ADARB2: variants seen among roughly 807,000 people sequenced by gnomAD.
The protein encoded by ADARB2 is inactive double-stranded RNA-specific editase B2.
In ADARB2, 25 loss-of-function variants were observed where a neutral mutation model predicts 62.2. That is an observed-to-expected ratio of 0.40 (90% CI 0.29 to 0.56). The LOEUF is 0.56. Ranked by LOEUF, ADARB2 falls within the 20% of genes least tolerant of loss-of-function variation. ADARB2 has a pLI of 0.43. For missense variants in ADARB2, 1,071 were observed against 1,077.4 expected (o/e 0.99, Z 0.08); for synonymous variants, 572 against 500.8 (o/e 1.14, Z -1.90).
At chr10:1,625,364 G>A (rs763481017) in intron 1 of ADARB2, among the ~76,000 whole-genome samples, 15 of 152,330 alleles carry the variant, frequency 9.8e-5, no homozygotes, top group South Asian at 4.1e-4. Context: ...TCCCAATGCC[G>A]GTTGCAGTGC....
chr10:1,647,372 T>C (rs1055322190), intron 1 of ADARB2, among the ~76,000 whole-genome samples: 1 of 152,222 alleles, frequency 6.6e-6, no homozygotes, highest in African/African-American at 2.4e-5. Context: ...CACACGTGTG[T>C]CTATATATGT....
chr10:1,416,875 G>A (rs961380587), intron 1 of ADARB2, among the ~76,000 whole-genome samples: 9 of 152,238 alleles, frequency 5.9e-5, no homozygotes, highest in African/African-American at 2.2e-4. Context: ...AGAAGGTGTC[G>A]GCCTGGGGCA....
intron 1 of ADARB2, among the ~76,000 whole-genome samples, chr10:1,473,844 T>G (rs977834947): frequency 1.3e-5 from 2 of 152,166 alleles, no homozygotes; most frequent in Non-Finnish European, 2.9e-5. Flanking sequence ...TTCACCAGGA[T>G]GGAAAGTGTA....
rs1184999754 is a variant in ADARB2 at position 1,180,335 on chromosome 10, G to A, written c.*2858C>T. 2 of 151,432 alleles carry A rather than the reference G, an allele frequency of 1.3e-5. No homozygotes were observed. Among genetic ancestry groups the A allele is most frequent in the African/African-American group, 4.9e-5 (2 of 41,188 alleles). 9.4% of individuals were successfully genotyped at this position (151,432 alleles called of 1,614,324 possible). A position where few individuals can be genotyped will look rare whatever the true frequency, so the allele number is the denominator to read the frequency against. On this transcript the variant is annotated 3_prime_UTR_variant, in exon 10 of 10. Transcript: ENST00000381312. Reference sequence around the variant, plus strand: ...GGGGCTGTGGGAATCCTGGGACCCGGGTCTTCCAGGCACACCTGGGGCTGT... The same window carrying A: ...GGGGCTGTGGGAATCCTGGGACCCGAGTCTTCCAGGCACACCTGGGGCTGT...
intron 3 of ADARB2, among the ~76,000 whole-genome samples, chr10:1,274,332 A>G (rs1195432555): frequency 1.3e-5 from 2 of 152,228 alleles, no homozygotes; most frequent in African/African-American, 2.4e-5. Flanking sequence ...TGGGTGATTC[A>G]TGGGTGTTAA....
intron 1 of ADARB2, among the ~76,000 whole-genome samples, chr10:1,637,488 A>G (rs1415166343): frequency 2.6e-5 from 4 of 152,250 alleles, no homozygotes; most frequent in African/African-American, 9.6e-5. Flanking sequence ...TTTGTCTTAA[A>G]TGATTACCCT....
intron 1 of ADARB2, among the ~76,000 whole-genome samples, chr10:1,684,151 C>T (rs1188412534): frequency 6.6e-6 from 1 of 152,242 alleles, no homozygotes; most frequent in Non-Finnish European, 1.5e-5. Context: ...AAAACTCCAT[C>T]TATAGACTCC....
At chr10:1,308,247 C>T (rs1831649928) in intron 3 of ADARB2, among the ~76,000 whole-genome samples, 2 of 152,106 alleles carry the variant, frequency 1.3e-5, no homozygotes, top group African/African-American at 2.4e-5. Flanking sequence ...TCCAGAATGT[C>T]CTGTAGATGG....
intron 1 of ADARB2, among the ~76,000 whole-genome samples, chr10:1,727,203 C>A (rs958211377): frequency 6.6e-6 from 1 of 152,186 alleles, no homozygotes; most frequent in African/African-American, 2.4e-5. Flanking sequence ...ATGCTGGTTT[C>A]TGGGAGCCCA....
At chr10:1,683,161 T>C (rs1230658056) in intron 1 of ADARB2, among the ~76,000 whole-genome samples, 2 of 152,154 alleles carry the variant, frequency 1.3e-5, no homozygotes, top group African/African-American at 4.8e-5. Flanking sequence ...TGAGTTCACA[T>C]AGGGAGAAAC....
At chr10:1,491,832 C>T (rs1267273330) in intron 1 of ADARB2, among the ~76,000 whole-genome samples, 1 of 152,138 alleles carries the variant, frequency 6.6e-6, no homozygotes, top group Non-Finnish European at 1.5e-5. Context: ...GAGTGATTCG[C>T]CTCTTTGAGT....
rs1410357152 is a variant in ADARB2 at position 1,538,806 on chromosome 10, T to C, written c.101-159646A>G. Among the ~76,000 whole-genome samples, 6 of 152,330 alleles carry C rather than the reference T, an allele frequency of 3.9e-5. No individual in the cohort carries two copies. The East Asian group carries it at 1.2e-3, about 29-fold the overall frequency. On this transcript the variant is annotated intron_variant, in intron 1 of 9. Transcript: ENST00000381312. ...GGGCAGGAGAAGCCTCTGCTGCCCATGCCGCCTGACCCTGGCTGCTGCCGC... is the reference window on the plus strand; with the variant it reads ...GGGCAGGAGAAGCCTCTGCTGCCCACGCCGCCTGACCCTGGCTGCTGCCGC...
Position 1,562,746 on chromosome 10 carries a change from T to C in ADARB2, c.100+174305A>G, listed in dbSNP as rs530807109. 2.4e-4 allele frequency among the ~76,000 whole-genome samples: 37 copies of C among 152,354 alleles called. 1 individual carries two copies. Among genetic ancestry groups the C allele is most frequent in the African/African-American group, 8.9e-4 (37 of 41,580 alleles). On this transcript the variant is annotated intron_variant, in intron 1 of 9. Transcript: ENST00000381312. ...CAGCCTGCCATGATGGGCAGGCCAC[T>C]TCACTTCTTTGCCTCACGTTCTTCA...
intron 1 of ADARB2, among the ~76,000 whole-genome samples, chr10:1,544,099 G>A (rs1051741100): frequency 2.0e-5 from 3 of 151,992 alleles, no homozygotes; most frequent in South Asian, 4.1e-4. Flanking sequence ...TTTCCTGACC[G>A]TGGAGTAGAG....
chr10:1,633,105 G>C (rs556728448), intron 1 of ADARB2, among the ~76,000 whole-genome samples: 6 of 152,158 alleles, frequency 3.9e-5, no homozygotes, highest in Admixed American at 3.3e-4. Flanking sequence ...TTCTCCTCCT[G>C]CTTCTCCTGC....
At chr10:1,680,180 C>A (rs1380847934) in intron 1 of ADARB2, among the ~76,000 whole-genome samples, 1 of 136,004 alleles carries the variant, frequency 7.4e-6, no homozygotes, top group Non-Finnish European at 1.6e-5. Flanking sequence ...CCTACATATT[C>A]TTTCCTGTGT....
chr10:1,368,544 G>A (rs1020106544), intron 2 of ADARB2, among the ~76,000 whole-genome samples: 1 of 152,108 alleles, frequency 6.6e-6, no homozygotes, highest in Non-Finnish European at 1.5e-5. Context: ...TGCGAGTCGC[G>A]AGCTGTGGCT....
rs71376899 is a variant in ADARB2, at chr10:1,234,737, C to CTTTTTTTTT, written c.1362-901_1362-893dup. 3.0e-4 allele frequency among the ~76,000 whole-genome samples: 16 copies of CTTTTTTTTT among 53,634 alleles called. 1 individual carries two copies. Among genetic ancestry groups the CTTTTTTTTT allele is most frequent in the African/African-American group, 3.6e-4 (5 of 13,978 alleles). 35.2% of individuals were successfully genotyped at this position (53,634 alleles called of 152,430 possible). On this transcript the variant is annotated intron_variant, in intron 5 of 9. Transcript: ENST00000381312. ...GATTACAGGTGCGAGCGACCATGAT[C>CTTTTTTTTT]TTTTTTTTTTTTTTTTTTTTTTTTT... is the stretch of plus-strand genomic sequence containing the variant.
intron 1 of ADARB2, chr10:1,675,846 G>A (rs7076664): frequency 0.9 from 681,062 of 754,212 alleles, 307,647 homozygotes; most frequent in South Asian, 0.93. Flanking sequence ...CCGTGTCTCT[G>A]ATCCCTGCAG....
Sources: allele counts gnomAD v4.1 joint callset (sites outside exome capture counted in the v4.1 genomes callset), GRCh38; gene constraint gnomAD v4.1.1; transcripts MANE v1.5; gene names NCBI Gene and HGNC (gene_info 2026-07-23, HGNC 2026-07-21).